DGLUCY: variants seen among roughly 807,000 people sequenced by gnomAD.
DGLUCY encodes the protein D-glutamate cyclase, mitochondrial.
In DGLUCY, 58 loss-of-function variants were observed where a neutral mutation model predicts 58.5. That is an observed-to-expected ratio of 0.99 (90% CI 0.80 to 1.23). The LOEUF is 1.23. DGLUCY is among the 50% of genes most tolerant of loss of function. DGLUCY has a pLI of 0.00. For missense variants in DGLUCY, 779 were observed against 784.7 expected (o/e 0.99, Z 0.09); for synonymous variants, 325 against 314.1 (o/e 1.03, Z -0.37).
At chr14:91,220,515 G>C (rs776250156) in intron 13 of DGLUCY, 2 of 456,376 alleles carry the variant, frequency 4.4e-6, no homozygotes, top group South Asian at 3.1e-5. Flanking sequence ...ATGCCAAGGA[G>C]AGCTCCCACA....
At chr14:91,187,760 C>T (rs532797004) in intron 8 of DGLUCY, among the ~76,000 whole-genome samples, 9 of 152,308 alleles carry the variant, frequency 5.9e-5, no homozygotes, top group East Asian at 5.8e-4. Context: ...TCCTGTCCTC[C>T]GAGGACCCCA....
At chr14:91,074,351 T>C (rs1469604511) in intron 1 of DGLUCY, among the ~76,000 whole-genome samples, 2 of 149,074 alleles carry the variant, frequency 1.3e-5, no homozygotes, top group Non-Finnish European at 3.0e-5. Flanking sequence ...TGATGGCATG[T>C]ACCTATAGTC....
At chr14:91,162,901 A>G (rs1004122285) in intron 3 of DGLUCY, among the ~76,000 whole-genome samples, 3 of 140,762 alleles carry the variant, frequency 2.1e-5, no homozygotes, top group Admixed American at 7.1e-5. Flanking sequence ...CTGTCTCAAG[A>G]AAAAAAAAAA....
intron 10 of DGLUCY, among the ~76,000 whole-genome samples, chr14:91,196,732 G>C (rs1468330791): frequency 2.2e-5 from 3 of 135,086 alleles, no homozygotes; most frequent in Non-Finnish European, 4.7e-5. Flanking sequence ...TGATAGAGGG[G>C]AGACATAGCA....
At chr14:91,145,536 G>T (rs2046966366) in intron 1 of DGLUCY, among the ~76,000 whole-genome samples, 1 of 152,140 alleles carries the variant, frequency 6.6e-6, no homozygotes, top group East Asian at 1.9e-4. Context: ...CGCTCCACCA[G>T]GACTGAGGAC....
At chr14:91,167,668 A>G (rs1467988516) in intron 4 of DGLUCY, 2 of 703,026 alleles carry the variant, frequency 2.8e-6, no homozygotes, top group Non-Finnish European at 5.2e-6. Context: ...CGCCCAAGCC[A>G]GAAACCCGCC....
Position 91,204,841 on chromosome 14 carries a change from G to T in DGLUCY, c.1564+16G>T, listed in dbSNP as rs1299823077. The T allele has an allele frequency of 6.2e-7, 1 of 1,613,690 alleles. No homozygotes were observed. Among genetic ancestry groups the T allele is most frequent in the Non-Finnish European group, 8.5e-7 (1 of 1,179,876 alleles). On this transcript the variant is annotated intron_variant, in intron 12 of 13. Coordinates refer to ENST00000256324, the MANE Select transcript of DGLUCY (RefSeq NM_001102368.3). The stretch of plus-strand genomic sequence containing the variant: ...GTCATTGCTGGTGAGCACTCGGATG[G>T]CCGCCCAGTCCGGCCGGCTACCCAG...
rs138390401 is a variant in DGLUCY at position 91,179,333 on chromosome 14, C to T, written c.731-1853C>T. Reference sequence around the variant, plus strand: ...GGCTCTGTGGCTCATGCCTGTAATCCCAGCACTGTGGTAGGCTGAGGCAGG... The same window carrying T: ...GGCTCTGTGGCTCATGCCTGTAATCTCAGCACTGTGGTAGGCTGAGGCAGG... On this transcript the variant is annotated intron_variant, in intron 7 of 13. Coordinates refer to ENST00000256324, the MANE Select transcript of DGLUCY (RefSeq NM_001102368.3). Among the ~76,000 whole-genome samples, 734 of 152,238 alleles carry T rather than the reference C, an allele frequency of 4.8e-3. 7 individuals carry two copies. Among genetic ancestry groups the T allele is most frequent in the African/African-American group, 0.017 (692 of 41,526 alleles).
At chr14:91,074,536 C>T (rs1391384312) in intron 1 of DGLUCY, among the ~76,000 whole-genome samples, 1 of 151,932 alleles carries the variant, frequency 6.6e-6, no homozygotes, top group Non-Finnish European at 1.5e-5. Context: ...GACAGATTCT[C>T]TCTGACATCT....
At chr14:91,203,805 T>C (rs749406309) in intron 11 of DGLUCY, among the ~76,000 whole-genome samples, 5 of 152,118 alleles carry the variant, frequency 3.3e-5, no homozygotes, top group Non-Finnish European at 7.4e-5. Flanking sequence ...GCCTCCACAG[T>C]AGCTGGGACT....
In DGLUCY at chr14:91,089,708, C is replaced by G. The variant is rs143106606; in HGVS notation, c.-82+29004C>G. Among the ~76,000 whole-genome samples the G allele has an allele frequency of 1.4e-4, 21 of 151,726 alleles. 1 individual carries two copies. Among genetic ancestry groups the G allele is most frequent in the African/African-American group, 4.4e-4 (18 of 41,362 alleles). ...TAGTGGCGCATGCCTATAATCCCAG[C>G]TACTTGGGAGGCTGATACAGGAGAA... On this transcript the variant is annotated intron_variant, in intron 1 of 4. Transcript: ENST00000521334.
intron 1 of DGLUCY, among the ~76,000 whole-genome samples, chr14:91,126,847 T>C (rs773270126): frequency 6.6e-6 from 1 of 152,106 alleles, no homozygotes; most frequent in African/African-American, 2.4e-5. Flanking sequence ...GGGACTTGGA[T>C]TTATCTCTTT....
At chr14:91,080,523 A>G (rs2044106344) in intron 1 of DGLUCY, among the ~76,000 whole-genome samples, 1 of 152,108 alleles carries the variant, frequency 6.6e-6, no homozygotes, top group South Asian at 2.1e-4. Context: ...GGTGCCCGCC[A>G]CCACGCCCAG....
intron 1 of DGLUCY, among the ~76,000 whole-genome samples, chr14:91,148,019 C>G (rs144547055): frequency 8.4e-4 from 127 of 152,064 alleles, no homozygotes; most frequent in African/African-American, 3.0e-3. Flanking sequence ...ACTAAAAATA[C>G]AAAAATTAGC....
At chr14:91,172,738 C>T (rs931746842) in intron 5 of DGLUCY, among the ~76,000 whole-genome samples, 12 of 151,988 alleles carry the variant, frequency 7.9e-5, no homozygotes, top group African/African-American at 2.9e-4. Context: ...TCTCCGCCTC[C>T]TGGGTTCAAG....
chr14:91,140,516 C>G (rs2046602994), intron 1 of DGLUCY, among the ~76,000 whole-genome samples: 2 of 152,030 alleles, frequency 1.3e-5, no homozygotes, highest in African/African-American at 4.8e-5. Flanking sequence ...TACTAAAATA[C>G]AAACATTAGC....
chr14:91,127,549 G>A (rs554966474), intron 1 of DGLUCY, among the ~76,000 whole-genome samples: 5 of 152,352 alleles, frequency 3.3e-5, no homozygotes, highest in Middle Eastern at 3.4e-3. Flanking sequence ...GGATGAGGCC[G>A]GGCTGTCTGG....
At chr14:91,111,673 G>T (rs1229306443), upstream of DGLUCY, among the ~76,000 whole-genome samples, 1 of 152,222 alleles carries the variant, frequency 6.6e-6, no homozygotes, top group African/African-American at 2.4e-5. Flanking sequence ...TTCTGGCTGT[G>T]TCCTCACAAG....
intron 13 of DGLUCY, among the ~76,000 whole-genome samples, chr14:91,217,974 A>G (rs968820598): frequency 6.6e-6 from 1 of 152,174 alleles, no homozygotes; most frequent in African/African-American, 2.4e-5. Flanking sequence ...GGCTCTGAGA[A>G]GCCGATGGCT....
Sources: allele counts gnomAD v4.1 joint callset (sites outside exome capture counted in the v4.1 genomes callset), GRCh38; gene constraint gnomAD v4.1.1; transcripts MANE v1.5; gene names NCBI Gene and HGNC (gene_info 2026-07-23, HGNC 2026-07-21).